CBR4: variants seen among roughly 807,000 people sequenced by gnomAD.
CBR4 encodes the protein 3-oxoacyl-[acyl-carrier-protein] reductase.
Under a neutral mutation model 21.0 loss-of-function variants are expected in CBR4, and 22 were observed. The observed-to-expected ratio is 1.05, with a 90% CI of 0.75 to 1.50. The LOEUF (loss-of-function observed/expected upper bound fraction) is 1.50. Among genes scored for constraint, CBR4 ranks in the 40% most tolerant of loss-of-function variants. CBR4 has a pLI of 0.00. For missense variants in CBR4, 302 were observed against 286.3 expected, an observed-to-expected ratio of 1.05 and a Z score of -0.40; for synonymous variants, 100 against 104.4, an observed-to-expected ratio of 0.96 and a Z score of 0.26.
intron 2 of CBR4, chr4:168,915,813 A>G: frequency 9.2e-7 from 1 of 1,083,566 alleles, no homozygotes; most frequent in South Asian, 1.3e-5. Context: ...TACCCCATGT[A>G]TTTTAAGAAA....
chr4:168,910,927 A>G (rs1324370627), intron 2 of CBR4, among the ~76,000 whole-genome samples: 1 of 152,178 alleles, frequency 6.6e-6, no homozygotes, highest in Non-Finnish European at 1.5e-5. Flanking sequence ...TCACATGGAA[A>G]TTCTTGCTGG....
chr4:168,946,062 C>T (rs1763389040), intron 2 of CBR4, among the ~76,000 whole-genome samples: 1 of 152,218 alleles, frequency 6.6e-6, no homozygotes, highest in African/African-American at 2.4e-5. Context: ...TTAGACTTCT[C>T]TCATCCTCTC....
In CBR4 at chr4:169,006,774, T is replaced by C. The variant is rs1730941026; in HGVS notation, c.381A>G (p.Gly127=). Reference sequence around the variant, plus strand: ...ACTCACCTACATTAACAATAGACCCTCCCTGTTGTTGAATCATAGTCCTCA... The same window carrying C: ...ACTCACCTACATTAACAATAGACCCCCCCTGTTGTTGAATCATAGTCCTCA... ...AAMRTMIQQQ[G]GSIVNVGSIV... The change falls in exon 3 of 5, where the codon GGA becomes GGG. Residue 127 remains glycine (G), a synonymous_variant. Coordinates refer to ENST00000306193, the MANE Select transcript of CBR4 (RefSeq NM_032783.5). 3 of 1,613,794 alleles carry C rather than the reference T, an allele frequency of 1.9e-6. No individual in the cohort carries two copies. Among genetic ancestry groups the C allele is most frequent in the Non-Finnish European group, 8.5e-7 (1 of 1,179,700 alleles).
At chr4:168,994,454 C>A (rs993016493) in intron 4 of CBR4, among the ~76,000 whole-genome samples, 9 of 152,188 alleles carry the variant, frequency 5.9e-5, no homozygotes, top group Non-Finnish European at 1.2e-4. Context: ...CAGTTTATGG[C>A]CAGATTTGGG....
At chr4:168,966,331 T>C (rs1215037374) in intron 2 of CBR4, among the ~76,000 whole-genome samples, 1 of 97,800 alleles carries the variant, frequency 1.0e-5, no homozygotes, top group African/African-American at 4.1e-5. Context: ...GGCTAACAGG[T>C]GAAACCCCAT....
intron 2 of CBR4, among the ~76,000 whole-genome samples, chr4:168,981,165 C>T (rs564080788): frequency 2.6e-5 from 4 of 152,070 alleles, no homozygotes; most frequent in East Asian, 3.9e-4. Flanking sequence ...TTTGGGAGGC[C>T]GAGGTGGATG....
intron 2 of CBR4, among the ~76,000 whole-genome samples, chr4:168,959,968 G>A (rs777429643): frequency 4.0e-5 from 6 of 151,426 alleles, no homozygotes; most frequent in Non-Finnish European, 7.4e-5. Flanking sequence ...TAACGATATT[G>A]AATCTTCCAA....
At chr4:168,957,008 C>T (rs1378310700) in intron 2 of CBR4, among the ~76,000 whole-genome samples, 2 of 152,314 alleles carry the variant, frequency 1.3e-5, no homozygotes, top group East Asian at 1.9e-4. Flanking sequence ...AGATTCCTAT[C>T]TTCCCCCTGG....
Position 168,924,263 on chromosome 4 carries a change from G to A in CBR4, n.170-29498C>T, listed in dbSNP as rs1762156256. ...ATCTCATGTTTTCTTAGCTAAAGAA[G>A]CACACAAACCCCCTGTGTTTATTGA... On this transcript the variant is annotated intron_variant and non_coding_transcript_variant, in intron 2 of 3. Transcript: ENST00000509108. 6.2e-7 allele frequency: 1 copy of A among 1,613,634 alleles called. No individual in the cohort carries two copies.
chr4:168,931,712 C>G (rs1391173661), intron 2 of CBR4, among the ~76,000 whole-genome samples: 1 of 152,156 alleles, frequency 6.6e-6, no homozygotes, highest in Non-Finnish European at 1.5e-5. Flanking sequence ...TGGTTGACAC[C>G]GTTCACACAC....
At chr4:168,903,650 T>C (rs1015304808) in intron 2 of CBR4, 13 of 915,730 alleles carry the variant, frequency 1.4e-5, no homozygotes, top group Non-Finnish European at 2.3e-5. Context: ...CATTTTAACA[T>C]GAAAACTCAG....
chr4:168,963,245 T>C (rs539401119), intron 2 of CBR4, among the ~76,000 whole-genome samples: 7 of 152,344 alleles, frequency 4.6e-5, no homozygotes, highest in African/African-American at 1.2e-4. Context: ...GATGTTATCA[T>C]AGCACCTCAG....
chr4:169,002,031 A>G (rs1203292048), intron 4 of CBR4, 40 bp downstream of exon 4: 20 of 1,486,606 alleles, frequency 1.3e-5, no homozygotes, highest in African/African-American at 5.7e-5. Context: ...CTATAAAACA[A>G]TAATCATAAT....
At chr4:168,956,268 C>G (rs755359633) in intron 2 of CBR4, among the ~76,000 whole-genome samples, 4 of 152,018 alleles carry the variant, frequency 2.6e-5, no homozygotes, top group Non-Finnish European at 5.9e-5. Context: ...ACCCCAGATA[C>G]AGGGAGGACC....
intron 4 of CBR4, among the ~76,000 whole-genome samples, chr4:168,991,283 A>G (rs769373663): frequency 2.2e-4 from 33 of 152,184 alleles, no homozygotes; most frequent in Non-Finnish European, 4.3e-4. Context: ...TGCACACCCG[A>G]TTATAACGTA....
chr4:168,894,866 C>T (rs539985043), intron 2 of CBR4: 2 of 856,474 alleles, frequency 2.3e-6, no homozygotes, highest in Admixed American at 2.8e-5. Context: ...AAGTGACTGA[C>T]AGAATTCTTT....
chr4:168,944,579 G>A (rs1304381910), intron 2 of CBR4, among the ~76,000 whole-genome samples: 1 of 152,112 alleles, frequency 6.6e-6, no homozygotes. Flanking sequence ...TTTTTCTTAT[G>A]AGATCTTAAG....
Position 169,000,842 on chromosome 4 carries a change from C to T in CBR4, c.535+1229G>A, listed in dbSNP as rs182069918. 1.5e-3 allele frequency among the ~76,000 whole-genome samples: 233 copies of T among 151,810 alleles called. 1 individual carries two copies. The highest frequency in any genetic ancestry group is 5.0e-3 in the African/African-American group (208 of 41,338). ...GCAATTTTATCAACTAGTACCCTGGCGAAAGGCAAATAATGGAAAAGTAAA... is the reference window on the plus strand; with the variant it reads ...GCAATTTTATCAACTAGTACCCTGGTGAAAGGCAAATAATGGAAAAGTAAA... On this transcript the variant is annotated intron_variant, in intron 4 of 4. Transcript: ENST00000306193.
At chr4:168,991,861 G>A (rs373506461) in intron 4 of CBR4, among the ~76,000 whole-genome samples, 33 of 152,254 alleles carry the variant, frequency 2.2e-4, no homozygotes, top group African/African-American at 6.7e-4. Flanking sequence ...TCAACATGAC[G>A]TGTGAAGTAA....
Sources: allele counts gnomAD v4.1 joint callset (sites outside exome capture counted in the v4.1 genomes callset), GRCh38; gene constraint gnomAD v4.1.1; transcripts MANE v1.5; gene names NCBI Gene and HGNC (gene_info 2026-07-23, HGNC 2026-07-21).